RCC2: variants seen among roughly 807,000 people sequenced by gnomAD.
RCC2 encodes protein RCC2.
RCC2 carries 19 observed loss-of-function variants against 64.1 expected under a neutral mutation model. The ratio of observed to expected loss-of-function variants is 0.30; its 90% CI spans 0.21 to 0.44. The LOEUF (loss-of-function observed/expected upper bound fraction) is 0.44. Among genes scored for constraint, RCC2 ranks in the 20% least tolerant of loss-of-function variants. The probability of loss-of-function intolerance (pLI) is 1.00; values close to 1 mark genes in which losing one functional copy is unlikely to be tolerated. For missense variants in RCC2, 508 were observed against 710.4 expected, an observed-to-expected ratio of 0.72 and a Z score of 3.24; for synonymous variants, 325 against 279.6, an observed-to-expected ratio of 1.16 and a Z score of -1.62.
At chr1:17,433,548 C>T (rs2075705975) in intron 2 of RCC2, among the ~76,000 whole-genome samples, 1 of 152,184 alleles carries the variant, frequency 6.6e-6, no homozygotes, top group African/African-American at 2.4e-5. Context: ...GTGTCTGCGA[C>T]CCTGCTTGTG....
In RCC2 at chr1:17,431,824, G is replaced by A. The variant is rs573443688; in HGVS notation, c.286-2625C>T. ...ATGAAAAGGGGAAGTGAGGCCAGCCGCGGTAGCTCATGGCCCGTCATCCCA... is the reference window on the plus strand; with the variant it reads ...ATGAAAAGGGGAAGTGAGGCCAGCCACGGTAGCTCATGGCCCGTCATCCCA... On this transcript the variant is annotated intron_variant, in intron 2 of 12. Transcript: ENST00000375436. Among the ~76,000 whole-genome samples, 119 of 152,084 alleles carry A rather than the reference G, an allele frequency of 7.8e-4. 1 individual carries two copies. The highest frequency in any genetic ancestry group is 2.7e-3 in the African/African-American group (114 of 41,512).
intron 2 of RCC2, 125 bp downstream of exon 2, chr1:17,438,105 C>A (rs1156572785): frequency 4.4e-6 from 3 of 689,114 alleles, no homozygotes; most frequent in Non-Finnish European, 5.5e-6. Context: ...GCGGCCTGCG[C>A]CGGCCCGGCC....
At chr1:17,409,884 C>T (rs1187927808) in intron 12 of RCC2, 90 bp downstream of exon 12, 1 of 1,154,008 alleles carries the variant, frequency 8.7e-7, no homozygotes, top group African/African-American at 1.5e-5. Context: ...ACAAGACAAC[C>T]CAAACAGACT....
chr1:17,421,725 G>C (rs1396750099), intron 6 of RCC2, among the ~76,000 whole-genome samples: 1 of 152,138 alleles, frequency 6.6e-6, no homozygotes, highest in Non-Finnish European at 1.5e-5. Flanking sequence ...AACTAAGCCT[G>C]TTTTAAAAAC....
At chr1:17,420,175 C>A (rs984962170) in intron 7 of RCC2, among the ~76,000 whole-genome samples, 1 of 152,172 alleles carries the variant, frequency 6.6e-6, no homozygotes, top group African/African-American at 2.4e-5. Context: ...ACACTCCCCC[C>A]ACTAACTGAG....
Position 17,430,493 on chromosome 1 carries a change from A to AG in RCC2, c.286-1295_286-1294insC, listed in dbSNP as rs1279437233. On this transcript the variant is annotated intron_variant, in intron 2 of 12. Coordinates refer to ENST00000375436, the MANE Select transcript of RCC2 (RefSeq NM_018715.4). ...GACATAGCCAGGCCTTGTCTCAAAA[A>AG]AAAAAAAAAGGGGGCCAGGCACAGT... 1.3e-3 allele frequency among the ~76,000 whole-genome samples: 196 copies of AG among 151,138 alleles called. 1 individual carries two copies. Among genetic ancestry groups the AG allele is most frequent in the South Asian group, 8.0e-3 (38 of 4,732 alleles).
At chr1:17,429,601 A>C (rs1172695788) in intron 2 of RCC2, among the ~76,000 whole-genome samples, 1 of 152,216 alleles carries the variant, frequency 6.6e-6, no homozygotes, top group African/African-American at 2.4e-5. Flanking sequence ...TTCACATGGC[A>C]AGCACGGCCT....
chr1:17,424,182 A>G (rs927116671), intron 4 of RCC2, among the ~76,000 whole-genome samples: 1 of 152,218 alleles, frequency 6.6e-6, no homozygotes, highest in Non-Finnish European at 1.5e-5. Flanking sequence ...CTCTACTCAC[A>G]CCAGACGCCG....
intron 2 of RCC2, among the ~76,000 whole-genome samples, chr1:17,431,359 A>AT (rs1265674393): frequency 1.3e-4 from 6 of 44,936 alleles, no homozygotes; most frequent in South Asian, 7.3e-4. Flanking sequence ...AAAAAAAAAA[A>AT]ATATATATAT....
chr1:17,416,669 C>T, intron 7 of RCC2, 23 bp from the exon 8 acceptor site: 1 of 1,593,262 alleles, frequency 6.3e-7, no homozygotes, highest in South Asian at 1.1e-5. Context: ...CAGAGCCGGC[C>T]ATCAGCAGCA....
intron 2 of RCC2, among the ~76,000 whole-genome samples, chr1:17,431,380 A>ATATATG (rs1296766456): frequency 1.9e-4 from 19 of 99,978 alleles, no homozygotes; most frequent in African/African-American, 6.8e-4. Context: ...ATATATATAT[A>ATATATG]TGTGGGCTGG....
intron 2 of RCC2, among the ~76,000 whole-genome samples, chr1:17,436,153 T>G (rs185874689): frequency 1.9e-3 from 293 of 152,314 alleles, no homozygotes; most frequent in Middle Eastern, 3.4e-3. Context: ...CGTATTTATG[T>G]GTATAAACAG....
At chr1:17,410,676 G>A (rs747576314) in intron 11 of RCC2, among the ~76,000 whole-genome samples, 6 of 152,076 alleles carry the variant, frequency 3.9e-5, no homozygotes, top group Middle Eastern at 3.4e-3. Context: ...CCCACAGGGC[G>A]GGAGAGGAGG....
Position 17,408,981 on chromosome 1 carries a change from T to C in RCC2, c.*109A>G. 1 of 852,498 alleles carries C rather than the reference T, an allele frequency of 1.2e-6. No individual in the cohort carries two copies. Among genetic ancestry groups the C allele is most frequent in the Non-Finnish European group, 2.0e-6 (1 of 499,170 alleles). The allele number at this position is 852,498 out of a possible 1,614,324, so 52.8% of individuals were successfully genotyped here. A position where few individuals can be genotyped will look rare whatever the true frequency, so the allele number is the denominator to read the frequency against. On this transcript the variant is annotated 3_prime_UTR_variant, in exon 13 of 13. Transcript: ENST00000375436. Reference sequence around the variant, plus strand: ...CAGGGAGTCTAAACAAAAATGCACCTTCGGTCAACTTTTGCTTTTTTAAAT... The same window carrying C: ...CAGGGAGTCTAAACAAAAATGCACCCTCGGTCAACTTTTGCTTTTTTAAAT...
At position 17,429,115 on chromosome 1, in the gene RCC2, T is replaced by A; in HGVS notation, c.370A>T (p.Lys124Ter). ...WDLIGRKEVP[K>*]QQAAYRNLGQ... The stretch of plus-strand genomic sequence containing the variant: ...GGCACCATTCTCATACCTTGCTGTT[T>A]AGGCACTTCTTTTCGACCAATCAAG... The change falls in exon 3 of 13, where the codon AAA (lysine) becomes TAA (stop). Residue 124 changes from lysine (K) to a stop codon, truncating the protein, a stop_gained. Coordinates refer to ENST00000375436, the MANE Select transcript of RCC2 (RefSeq NM_018715.4). LOFTEE classifies it high-confidence loss of function. The A allele has an allele frequency of 6.2e-7, 1 of 1,613,988 alleles. No individual in the cohort carries two copies.
intron 2 of RCC2, among the ~76,000 whole-genome samples, chr1:17,437,805 C>G (rs1055467179): frequency 6.8e-6 from 1 of 146,040 alleles, no homozygotes; most frequent in African/African-American, 2.5e-5. Flanking sequence ...CGCCCGGGCG[C>G]AGCGGCGGCC....
intron 7 of RCC2, among the ~76,000 whole-genome samples, chr1:17,420,055 G>A (rs1368503613): frequency 6.6e-6 from 1 of 152,200 alleles, no homozygotes; most frequent in Non-Finnish European, 1.5e-5. Flanking sequence ...CCTCGCGGAG[G>A]CCTCCCCAGA....
At chr1:17,416,427 C>T in intron 8 of RCC2, 53 bp downstream of exon 8, 1 of 1,554,208 alleles carries the variant, frequency 6.4e-7, no homozygotes, top group South Asian at 1.2e-5. Flanking sequence ...TGAGCATAAA[C>T]ACCCCTTCCA....
intron 3 of RCC2, among the ~76,000 whole-genome samples, chr1:17,426,798 T>C (rs1248767971): frequency 6.8e-6 from 1 of 147,924 alleles, no homozygotes; most frequent in Non-Finnish European, 1.5e-5. Flanking sequence ...ACAGTTTCAC[T>C]GTTGCCCAGG....
Sources: gnomAD v4.1 joint callset for allele counts (sites outside exome capture counted in the v4.1 genomes callset) on GRCh38, gnomAD v4.1.1 for gene constraint, MANE v1.5 for transcripts, NCBI Gene and HGNC (gene_info 2026-07-23, HGNC 2026-07-21) for gene names.